TRIM37: variants seen among roughly 807,000 people sequenced by gnomAD.
TRIM37 encodes the protein E3 ubiquitin-protein ligase TRIM37.
Under a neutral mutation model 129.8 loss-of-function variants are expected in TRIM37, and 80 were observed. That is an observed-to-expected ratio of 0.62 (90% CI 0.51 to 0.74). The LOEUF (loss-of-function observed/expected upper bound fraction) is 0.74, where lower values mean the gene tolerates loss of function less well. Among genes scored for constraint, TRIM37 ranks in the 30% least tolerant of loss-of-function variants. TRIM37 has a pLI of 0.00. For missense variants in TRIM37, 1,054 were observed against 1,176.5 expected (o/e 0.90, Z 1.52); for synonymous variants, 389 against 387.1 (o/e 1.00, Z -0.06).
chr17:59,020,100 A>T (rs2036409699), intron 19 of TRIM37, among the ~76,000 whole-genome samples: 2 of 151,216 alleles, frequency 1.3e-5, no homozygotes, highest in East Asian at 3.9e-4. Flanking sequence ...GTGTGGTGGC[A>T]CACACCTGTA....
intron 19 of TRIM37, among the ~76,000 whole-genome samples, chr17:59,025,704 A>T (rs1176309134): frequency 6.6e-6 from 1 of 152,142 alleles, no homozygotes; most frequent in Non-Finnish European, 1.5e-5. Context: ...TCTGGTTGAA[A>T]AAAATTCGAA....
chr17:59,087,881 A>T, intron 4 of TRIM37: 1 of 223,988 alleles, frequency 4.5e-6, no homozygotes, highest in Non-Finnish European at 8.8e-6. Context: ...TCCCCATAAC[A>T]ACTCTCCAGA....
chr17:59,001,693 A>C lies in TRIM37; in HGVS notation c.2717T>G (p.Ile906Ser). ...PEEGMSSDSD[I>S]ECDTENEEQE... ...CTCCTCATTCTCAGTGTCACATTCAATGTCACTGTCGCTACTCATTCCTGG... is the reference window on the plus strand; with the variant it reads ...CTCCTCATTCTCAGTGTCACATTCACTGTCACTGTCGCTACTCATTCCTGG... The change falls in exon 23 of 24, where the codon ATT (isoleucine) becomes AGT (serine). Residue 906 changes from isoleucine (I) to serine (S), a missense_variant. Transcript: ENST00000262294. 6.2e-7 allele frequency: 1 copy of C among 1,613,972 alleles called. No individual in the cohort carries two copies. The highest frequency in any genetic ancestry group is 8.5e-7 in the Non-Finnish European group (1 of 1,179,934).
downstream of TRIM37, among the ~76,000 whole-genome samples, chr17:58,979,800 C>G (rs1229366628): frequency 6.6e-6 from 1 of 152,184 alleles, no homozygotes; most frequent in Non-Finnish European, 1.5e-5. Context: ...GTAAGCAGAT[C>G]TGATTACCAG....
intron 17 of TRIM37, among the ~76,000 whole-genome samples, chr17:59,035,519 C>G (rs972062486): frequency 6.6e-6 from 1 of 151,468 alleles, no homozygotes; most frequent in African/African-American, 2.4e-5. Flanking sequence ...TTTCAGAGGC[C>G]GAGGCAGGTG....
At chr17:58,988,938 C>T (rs1017216384) in intron 24 of TRIM37, among the ~76,000 whole-genome samples, 8 of 152,128 alleles carry the variant, frequency 5.3e-5, no homozygotes, top group South Asian at 2.1e-4. Flanking sequence ...ATTACTTTTC[C>T]ACCAGCCATA....
chr17:59,017,067 G>A (rs1405517916), intron 20 of TRIM37, among the ~76,000 whole-genome samples: 1 of 152,086 alleles, frequency 6.6e-6, no homozygotes, highest in Admixed American at 6.6e-5. Flanking sequence ...TGGTGGGGCT[G>A]AGGCAGGAGG....
chr17:59,067,141 T>C (rs1057342608), intron 9 of TRIM37, among the ~76,000 whole-genome samples: 3 of 152,198 alleles, frequency 2.0e-5, no homozygotes, highest in Admixed American at 2.0e-4. Flanking sequence ...TATATGTATA[T>C]ACAAAGCTAT....
At position 59,106,718 on chromosome 17, in the gene TRIM37, G is replaced by A. The variant is rs2046037368; in HGVS notation, c.-257C>T. 2 of 578,258 alleles carry A rather than the reference G, an allele frequency of 3.5e-6. No individual in the cohort carries two copies. The highest frequency in any genetic ancestry group is 2.9e-5 in the East Asian group (1 of 34,178). 35.8% of individuals were successfully genotyped at this position (578,258 alleles called of 1,614,324 possible). ...ACGGTGGCCGCAGCTCCTTTCTCCC[G>A]GCTCAGCCGCCGGCCAGCAGCCGCG... On this transcript the variant is annotated 5_prime_UTR_variant, in exon 1 of 24. Coordinates refer to ENST00000262294, the MANE Select transcript of TRIM37 (RefSeq NM_015294.6).
Position 59,075,706 on chromosome 17 carries a change from T to A in TRIM37, c.625A>T (p.Thr209Ser). 1 of 1,609,750 alleles carries A rather than the reference T, an allele frequency of 6.2e-7. No homozygotes were observed. The highest frequency in any genetic ancestry group is 2.2e-5 in the East Asian group (1 of 44,850). The change falls in exon 8 of 24, where the codon ACA becomes TCA. Residue 209 changes from threonine (T) to serine (S), a missense_variant. Physicochemically the swap from Thr to Ser is moderately conservative, Grantham distance 58. Transcript: ENST00000262294. ...NKLITLMGQKTSLTQETELLE... is the reference protein window; with the variant it reads ...NKLITLMGQKSSLTQETELLE... ...AGCTCTGTTTCTTGGGTTAGAGATG[T>A]CTTCTGACCTGATGAAAAATAGTGA... is the stretch of plus-strand genomic sequence containing the variant.
intron 2 of TRIM37, among the ~76,000 whole-genome samples, chr17:59,102,923 A>AGT (rs1424380897): frequency 6.6e-6 from 1 of 151,876 alleles, no homozygotes; most frequent in East Asian, 1.9e-4. Context: ...GCCAGGCTGG[A>AGT]GTGCAGTGGC....
At chr17:59,009,499 G>A (rs188683450) in intron 22 of TRIM37, among the ~76,000 whole-genome samples, 136 of 147,494 alleles carry the variant, frequency 9.2e-4, no homozygotes, top group African/African-American at 3.3e-3. Flanking sequence ...AGGCTGGAGC[G>A]CAATGGTGCG....
Position 58,987,922 on chromosome 17 carries a change from G to A in TRIM37, c.2892-5001C>T, listed in dbSNP as rs529252805. ...TCACAGCACTTCCAGCTTCCACTCC[G>A]GGATGTAGGGGTAGAAGGAGCATTT... On this transcript the variant is annotated intron_variant, in intron 24 of 24. Coordinates refer to the TRIM37 transcript ENST00000393066. 5.3e-5 allele frequency among the ~76,000 whole-genome samples: 8 copies of A among 152,254 alleles called. No individual in the cohort carries two copies. The East Asian group carries it at 9.6e-4, about 18-fold the overall frequency.
intron 7 of TRIM37, among the ~76,000 whole-genome samples, chr17:59,076,423 C>T (rs1022850596): frequency 2.6e-5 from 4 of 152,080 alleles, no homozygotes; most frequent in African/African-American, 7.2e-5. Context: ...TGCCTGCAGC[C>T]CAATTTACTC....
chr17:58,999,479 AAAAAATT>A lies in TRIM37; in HGVS notation c.2813-27_2813-21del. On this transcript the variant is annotated intron_variant, in intron 23 of 23. Transcript: ENST00000262294. ...GTGTATCTATGATTAAAAAATAAAT[AAAAAATT>A]TAAAATTTAAAAGCATATAACAAGG... 1 of 1,580,272 alleles carries A rather than the reference AAAAAATT, an allele frequency of 6.3e-7. No individual in the cohort carries two copies. Among genetic ancestry groups the A allele is most frequent in the East Asian group, 2.3e-5 (1 of 43,272 alleles).
intron 12 of TRIM37, 124 bp downstream of exon 12, chr17:59,060,908 A>G (rs1229789860): frequency 2.8e-6 from 2 of 709,572 alleles, no homozygotes; most frequent in African/African-American, 3.6e-5. Flanking sequence ...TGCCAAGAAC[A>G]TATTATTCTA....
At chr17:59,077,163 C>T (rs2042879935) in intron 7 of TRIM37, among the ~76,000 whole-genome samples, 1 of 151,964 alleles carries the variant, frequency 6.6e-6, no homozygotes, top group Non-Finnish European at 1.5e-5. Context: ...GGCGTGATCT[C>T]GGCTCACTGC....
At chr17:59,019,285 T>G (rs1477732936) in intron 19 of TRIM37, among the ~76,000 whole-genome samples, 1 of 152,186 alleles carries the variant, frequency 6.6e-6, no homozygotes. Context: ...AAACAGTATG[T>G]AGTACAGCCA....
In TRIM37 at chr17:59,079,719, C is replaced by T. The variant is rs758634084; in HGVS notation, c.616+35G>A. 3.7e-6 allele frequency: 6 copies of T among 1,612,944 alleles called. No individual in the cohort carries two copies. In the African/African-American group the frequency reaches 5.3e-5, roughly 14 times the overall value. ...GACTGAATCTCAAAGAAGCTGAAAG[C>T]ACCAGGTACCCCAGCAGCATACATA... On this transcript the variant is annotated intron_variant, in intron 7 of 23. Coordinates refer to ENST00000262294, the MANE Select transcript of TRIM37 (RefSeq NM_015294.6).
Sources: gnomAD v4.1 joint callset for allele counts (sites outside exome capture counted in the v4.1 genomes callset) on GRCh38, gnomAD v4.1.1 for gene constraint, MANE v1.5 for transcripts, NCBI Gene and HGNC (gene_info 2026-07-23, HGNC 2026-07-21) for gene names.